The following GLIS3 variants were observed in gnomAD, a reference collection of about 807,000 sequenced individuals.
The protein encoded by GLIS3 is GLIS family zinc finger 3.
In GLIS3, 53 loss-of-function variants were observed where a neutral mutation model predicts 78.6. The ratio of observed to expected loss-of-function variants is 0.67; its 90% CI spans 0.54 to 0.85. GLIS3 has a LOEUF of 0.85. GLIS3 is among the 40% of genes least tolerant of loss of function. GLIS3 has a pLI of 0.00. For missense variants in GLIS3, 1,703 were observed against 1,231.1 expected, an observed-to-expected ratio of 1.38 and a Z score of -5.74; for synonymous variants, 684 against 509.9, an observed-to-expected ratio of 1.34 and a Z score of -4.60.
chr9:4,188,841 T>C (rs910795335), intron 2 of GLIS3, among the ~76,000 whole-genome samples: 1 of 152,206 alleles, frequency 6.6e-6, no homozygotes, highest in African/African-American at 2.4e-5. Flanking sequence ...TCGGTGGTGA[T>C]ATCTCCTTTA....
chr9:3,835,179 G>C (rs1392370476), intron 9 of GLIS3, among the ~76,000 whole-genome samples: 1 of 152,166 alleles, frequency 6.6e-6, no homozygotes, highest in Admixed American at 6.5e-5. Context: ...TTACAGTGAG[G>C]CTGGGGAACC....
the GLIS3 span, among the ~76,000 whole-genome samples, chr9:4,488,087 A>T: frequency 7.2e-6 from 1 of 139,698 alleles, no homozygotes; most frequent in Non-Finnish European, 1.5e-5. Flanking sequence ...TTCTAAGCAC[A>T]TGGTTTTATT....
chr9:4,001,744 G>A (rs532365415), intron 4 of GLIS3, among the ~76,000 whole-genome samples: 2 of 152,302 alleles, frequency 1.3e-5, no homozygotes, highest in South Asian at 2.1e-4. Context: ...TTTCAATGAT[G>A]CATTTTGCAG....
chr9:4,464,726 T>A, the GLIS3 span, among the ~76,000 whole-genome samples: 1 of 151,852 alleles, frequency 6.6e-6, no homozygotes, highest in Non-Finnish European at 1.5e-5. Flanking sequence ...ATTAATTGAA[T>A]AAAAAGAAAA....
At chr9:3,881,416 C>T (rs1482913899) in intron 7 of GLIS3, among the ~76,000 whole-genome samples, 1 of 152,084 alleles carries the variant, frequency 6.6e-6, no homozygotes, top group Non-Finnish European at 1.5e-5. Flanking sequence ...AAGCATTGCC[C>T]CTGCTGTTTA....
At chr9:4,259,587 G>A (rs766137879) in intron 2 of GLIS3, among the ~76,000 whole-genome samples, 3 of 152,254 alleles carry the variant, frequency 2.0e-5, no homozygotes, top group East Asian at 1.9e-4. Flanking sequence ...CGTCCTCAGG[G>A]CAAACTGAGA....
chr9:4,036,596 G>T (rs1824328493), intron 4 of GLIS3, among the ~76,000 whole-genome samples: 1 of 152,128 alleles, frequency 6.6e-6, no homozygotes, highest in Admixed American at 6.5e-5. Flanking sequence ...AGTGCTAGAG[G>T]AAAAACAGAG....
intron 2 of GLIS3, among the ~76,000 whole-genome samples, chr9:4,275,539 C>T (rs919228708): frequency 6.6e-6 from 1 of 151,126 alleles, no homozygotes; most frequent in Non-Finnish European, 1.5e-5. Context: ...GTGGAAGGAT[C>T]GTTTGAGCCT....
chr9:4,335,824 GA>G (rs2130574513), intron 2 of GLIS3, among the ~76,000 whole-genome samples: 1 of 152,298 alleles, frequency 6.6e-6, no homozygotes, highest in East Asian at 1.9e-4. Context: ...CATTGAACCA[GA>G]TTTAACAGGA....
chr9:4,170,509 G>A (rs148442711), intron 2 of GLIS3, among the ~76,000 whole-genome samples: 1 of 152,164 alleles, frequency 6.6e-6, no homozygotes, highest in Non-Finnish European at 1.5e-5. Flanking sequence ...GCCATGTACA[G>A]TGTATGGAAG....
intron 4 of GLIS3, among the ~76,000 whole-genome samples, chr9:4,048,334 G>C (rs990756028): frequency 7.2e-5 from 11 of 152,148 alleles, no homozygotes; most frequent in African/African-American, 1.7e-4. Flanking sequence ...AAAGCTGTTA[G>C]ATGGTTCACA....
chr9:4,179,633 G>A (rs1363387237), intron 2 of GLIS3, among the ~76,000 whole-genome samples: 3 of 152,204 alleles, frequency 2.0e-5, no homozygotes, highest in Non-Finnish European at 4.4e-5. Context: ...TTCTAGGCCA[G>A]GCACGGTGGC....
intron 4 of GLIS3, among the ~76,000 whole-genome samples, chr9:4,031,289 G>A (rs911981914): frequency 1.5e-4 from 23 of 152,188 alleles, no homozygotes; most frequent in African/African-American, 5.3e-4. Context: ...TACATGCAAT[G>A]GAATATTATT....
chr9:3,860,314 A>T (rs1820118346), intron 8 of GLIS3, among the ~76,000 whole-genome samples: 1 of 135,434 alleles, frequency 7.4e-6, no homozygotes, highest in Admixed American at 7.3e-5. Flanking sequence ...CCTCTGGGGG[A>T]TGAGGAAACA....
intron 9 of GLIS3, among the ~76,000 whole-genome samples, chr9:3,835,563 A>G (rs919676951): frequency 1.3e-5 from 2 of 152,194 alleles, no homozygotes; most frequent in African/African-American, 2.4e-5. Context: ...GGAGTCATCT[A>G]TTGTTTGACT....
chr9:4,138,776 C>T (rs1236757065), intron 2 of GLIS3, among the ~76,000 whole-genome samples: 4 of 152,268 alleles, frequency 2.6e-5, no homozygotes, highest in South Asian at 2.1e-4. Context: ...AAATAAGTCA[C>T]GTATGTAGAC....
the GLIS3 span, among the ~76,000 whole-genome samples, chr9:4,407,449 T>C: frequency 6.6e-6 from 1 of 152,094 alleles, no homozygotes; most frequent in East Asian, 1.9e-4. Flanking sequence ...ATCGAGACCA[T>C]CCTGGCTAAC....
chr9:4,337,645 T>C (rs1267671122), intron 2 of GLIS3, among the ~76,000 whole-genome samples: 1 of 152,092 alleles, frequency 6.6e-6, no homozygotes, highest in Non-Finnish European at 1.5e-5. Context: ...ATCACTGAAG[T>C]AAAAGAACAT....
At chr9:3,949,088 C>T (rs1348615883) in intron 4 of GLIS3, among the ~76,000 whole-genome samples, 2 of 152,138 alleles carry the variant, frequency 1.3e-5, no homozygotes, top group East Asian at 1.9e-4. Context: ...GTATTCCCTC[C>T]GTGTAATTCC....
Sources: gnomAD v4.1 joint callset for allele counts (sites outside exome capture counted in the v4.1 genomes callset) on GRCh38, gnomAD v4.1.1 for gene constraint, MANE v1.5 for transcripts, NCBI Gene and HGNC (gene_info 2026-07-23, HGNC 2026-07-21) for gene names.